The following MYOM3 variants were observed in gnomAD, a reference collection of about 807,000 sequenced individuals.
The protein encoded by MYOM3 is myomesin 3, also known as myomesin-3.
A neutral mutation model predicts 191.7 loss-of-function variants in MYOM3; 155 were observed. The observed-to-expected ratio is 0.81, with a 90% confidence interval of 0.71 to 0.92. MYOM3 has a LOEUF of 0.92. Ranked by LOEUF, MYOM3 falls within the 40% of genes least tolerant of loss-of-function variation. MYOM3 has a pLI of 0.00. For missense variants in MYOM3, 1,889 were observed against 1,890.6 expected, an observed-to-expected ratio of 1.00 and a Z score of 0.02; for synonymous variants, 757 against 762.9, an observed-to-expected ratio of 0.99 and a Z score of 0.13.
chr1:24,080,089 A>T lies in MYOM3; in HGVS notation c.2513T>A (p.Val838Asp). 4 of 1,614,116 alleles carry T rather than the reference A, an allele frequency of 2.5e-6. No individual in the cohort carries two copies. The highest frequency in any genetic ancestry group is 1.6e-4 in the Middle Eastern group (1 of 6,062). The change falls in exon 20 of 37, where the codon GTC becomes GAC. Residue 838 changes from valine to aspartate, a missense_variant. Coordinates refer to ENST00000374434, the MANE Select transcript of MYOM3 (RefSeq NM_152372.4). Reference protein sequence around the residue: ...MGAGPVTGYHVSFQEEGSEQW... With the variant: ...MGAGPVTGYHDSFQEEGSEQW... ...CTCAGAGCCTTCCTCCTGGAAACTGACGTGATAGCCTGTGACAGGCCCAGC... is the reference window on the plus strand; with the variant it reads ...CTCAGAGCCTTCCTCCTGGAAACTGTCGTGATAGCCTGTGACAGGCCCAGC...
chr1:24,065,445 G>A (rs1263618257), intron 29 of MYOM3, among the ~76,000 whole-genome samples: 1 of 152,170 alleles, frequency 6.6e-6, no homozygotes, highest in Non-Finnish European at 1.5e-5. Flanking sequence ...GCCCAGATCT[G>A]CCTCACATGG....
chr1:24,061,234 G>C, intron 34 of MYOM3, 39 bp downstream of exon 34: 1 of 1,612,806 alleles, frequency 6.2e-7, no homozygotes, highest in Non-Finnish European at 8.5e-7. Flanking sequence ...ACCCTGAAGG[G>C]GCCTATAATT....
chr1:24,059,616 C>CG lies in MYOM3; in HGVS notation c.3995-638_3995-637insC, dbSNP rs1163498165. ...GAAGAAGGTAAGTGGGACTCTGAGA[C>CG]TTCAACTGGCAAAATCCACACAACG... On this transcript the variant is annotated intron_variant, in intron 35 of 36. Transcript: ENST00000374434. Among the ~76,000 whole-genome samples the CG allele has an allele frequency of 1.4e-4, 22 of 152,364 alleles. 1 individual carries two copies. In the East Asian group the frequency reaches 4.0e-3, roughly 28 times the overall value.
At chr1:24,070,253 C>T (rs1489923594) in intron 25 of MYOM3, among the ~76,000 whole-genome samples, 2 of 152,092 alleles carry the variant, frequency 1.3e-5, no homozygotes, top group Non-Finnish European at 1.5e-5. Flanking sequence ...AGAAGCTATT[C>T]TGTACAAAAG....
intron 19 of MYOM3, among the ~76,000 whole-genome samples, chr1:24,080,908 T>C (rs1643660703): frequency 6.6e-6 from 1 of 152,064 alleles, no homozygotes; most frequent in African/African-American, 2.4e-5. Flanking sequence ...ATGGGAGCAG[T>C]GGGTAGGGTG....
At chr1:24,071,306 G>T in intron 24 of MYOM3, 53 bp from the exon 25 acceptor site, 39 of 1,558,012 alleles carry the variant, frequency 2.5e-5, no homozygotes, top group Non-Finnish European at 3.3e-5. Context: ...TCCCTTTCCC[G>T]CTCCCTTCCA....
At chr1:24,090,588 A>G (rs1643804769) in intron 12 of MYOM3, among the ~76,000 whole-genome samples, 1 of 152,024 alleles carries the variant, frequency 6.6e-6, no homozygotes, top group Admixed American at 6.6e-5. Flanking sequence ...AGGGGTTCCT[A>G]AGGACCGGAT....
rs546186190 is a variant in MYOM3 at position 24,110,522 on chromosome 1, T to C, written c.-19+1509A>G. Among the ~76,000 whole-genome samples the C allele has an allele frequency of 1.2e-4, 18 of 152,184 alleles. No homozygotes were observed. The South Asian group carries it at 3.3e-3, about 28-fold the overall frequency. ...CTGGAAGGGGCATGTGGTGGAGGTG[T>C]CTGGGGCTCGGGCTGTGGAGGGTCA... On this transcript the variant is annotated intron_variant, in intron 1 of 36. Transcript: ENST00000374434.
chr1:24,076,793 C>T lies in MYOM3; in HGVS notation c.2587-520G>A, dbSNP rs560311652. ...CCTCCCAAAGTGCTGGGATTACAGG[C>T]GTGAGCCACCGCGCCCGGCCCCTAA... On this transcript the variant is annotated intron_variant, in intron 20 of 36. Coordinates refer to ENST00000374434, the MANE Select transcript of MYOM3 (RefSeq NM_152372.4). Among the ~76,000 whole-genome samples, 49 of 57,312 alleles carry T rather than the reference C, an allele frequency of 8.5e-4. 6 individuals are homozygous for T. In the South Asian group the frequency reaches 0.014, roughly 16 times the overall value. 37.6% of individuals were successfully genotyped at this position (57,312 alleles called of 152,430 possible). A position where few individuals can be genotyped will look rare whatever the true frequency, so the allele number is the denominator to read the frequency against.
intron 29 of MYOM3, 45 bp downstream of exon 29, chr1:24,065,846 G>T: frequency 7.1e-7 from 1 of 1,413,962 alleles, no homozygotes; most frequent in Non-Finnish European, 1.0e-6. Flanking sequence ...TCCCTGGCTT[G>T]CAGCCAAAGG....
chr1:24,108,755 G>C, intron 1 of MYOM3, 101 bp from the exon 2 acceptor site: 1 of 849,182 alleles, frequency 1.2e-6, no homozygotes, highest in South Asian at 1.9e-5. Context: ...ATGGGGGGTG[G>C]GGGTGTCCTC....
At chr1:24,075,940 C>A (rs924793635) in intron 21 of MYOM3, among the ~76,000 whole-genome samples, 3 of 152,224 alleles carry the variant, frequency 2.0e-5, no homozygotes, top group African/African-American at 7.2e-5. Flanking sequence ...GTGAGTGATT[C>A]TGTCATATAC....
At chr1:24,090,551 G>C (rs545930648) in intron 12 of MYOM3, among the ~76,000 whole-genome samples, 1 of 152,312 alleles carries the variant, frequency 6.6e-6, no homozygotes, top group East Asian at 1.9e-4. Context: ...TCTCCCATTA[G>C]ACTAGCTGTA....
At chr1:24,095,144 T>C (rs1643871287) in intron 8 of MYOM3, among the ~76,000 whole-genome samples, 154 bp from the exon 9 acceptor site, 1 of 152,110 alleles carries the variant, frequency 6.6e-6, no homozygotes, top group African/African-American at 2.4e-5. Context: ...AAGAGACTTA[T>C]CTAGGTAGTG....
chr1:24,080,706 T>C (rs1410747316), intron 19 of MYOM3, among the ~76,000 whole-genome samples: 1 of 152,234 alleles, frequency 6.6e-6, no homozygotes, highest in Non-Finnish European at 1.5e-5. Flanking sequence ...GTTTGGTACC[T>C]AGTAACGGCC....
rs1385273750 is a variant in MYOM3 at position 24,107,108 on chromosome 1, G to A, written c.367C>T (p.Arg123Cys). The A allele has an allele frequency of 8.1e-6, 13 of 1,611,234 alleles. No individual in the cohort carries two copies. The highest frequency in any genetic ancestry group is 2.7e-5 in the African/African-American group (2 of 74,870). The change falls in exon 4 of 37, where the codon CGC (arginine) becomes TGC (cysteine). Residue 123 changes from arginine (R) to cysteine (C), a missense_variant. Arg to Cys is a radical substitution (Grantham distance 180, BLOSUM62 -3). Transcript: ENST00000374434. ...IAFLQTHRLL[R>C]QRRDWKTLRR... Reference sequence around the variant, plus strand: ...AGCGTCTTCCAGTCCCGCCTCTGGCGCAGCAGCCGGTGGGTCTGCAGGAAG... The same window carrying A: ...AGCGTCTTCCAGTCCCGCCTCTGGCACAGCAGCCGGTGGGTCTGCAGGAAG...
At chr1:24,057,981 AT>A (rs536209492) in intron 36 of MYOM3, among the ~76,000 whole-genome samples, 145 of 151,954 alleles carry the variant, frequency 9.5e-4, no homozygotes, top group African/African-American at 3.3e-3. Context: ...TAATTTTTGT[AT>A]TTTTAGTAGA....
Position 24,096,992 on chromosome 1 carries a change from G to T in MYOM3, c.745+931C>A, listed in dbSNP as rs1643881783. Among the ~76,000 whole-genome samples the T allele has an allele frequency of 1.3e-5, 2 of 152,340 alleles. 1 individual carries two copies. The highest frequency in any genetic ancestry group is 1.3e-4 in the Admixed American group (2 of 15,312). ...AATAGAGGCTCAGGGAAGTGAGGTGGCTTCCCAGATTTACACAGCCAGTTG... is the reference window on the plus strand; with the variant it reads ...AATAGAGGCTCAGGGAAGTGAGGTGTCTTCCCAGATTTACACAGCCAGTTG... On this transcript the variant is annotated intron_variant, in intron 7 of 36. Coordinates refer to ENST00000374434, the MANE Select transcript of MYOM3 (RefSeq NM_152372.4).
chr1:24,081,563 CT>C, intron 18 of MYOM3, 107 bp from the exon 19 acceptor site: 3 of 1,335,890 alleles, frequency 2.2e-6, no homozygotes, highest in Non-Finnish European at 3.1e-6. Flanking sequence ...GGGGGCTTTG[CT>C]TTTATTTTTA....
Sources: allele counts gnomAD v4.1 joint callset (sites outside exome capture counted in the v4.1 genomes callset), GRCh38; gene constraint gnomAD v4.1.1; transcripts MANE v1.5; gene names NCBI Gene and HGNC (gene_info 2026-07-23, HGNC 2026-07-21).